GRM7: variants seen among roughly 807,000 people sequenced by gnomAD.
GRM7 encodes the protein metabotropic glutamate receptor 7.
Under a neutral mutation model 84.5 loss-of-function variants are expected in GRM7, and 35 were observed. The observed-to-expected ratio is 0.41, with a 90% confidence interval of 0.32 to 0.55. The LOEUF (loss-of-function observed/expected upper bound fraction) is 0.55, where lower values mean the gene tolerates loss of function less well. Among genes scored for constraint, GRM7 ranks in the 20% least tolerant of loss-of-function variants. The probability of loss-of-function intolerance (pLI) is 0.19; values close to 1 mark genes in which losing one functional copy is unlikely to be tolerated. For missense variants in GRM7, 1,003 were observed against 1,194.6 expected (o/e 0.84, Z 2.36); for synonymous variants, 487 against 455.1 (o/e 1.07, Z -0.89).
At chr3:7,365,495 C>G (rs746535034) in intron 4 of GRM7, among the ~76,000 whole-genome samples, 1 of 151,414 alleles carries the variant, frequency 6.6e-6, no homozygotes, top group African/African-American at 2.4e-5. Context: ...TTACGTATAT[C>G]CAATCTGATT....
chr3:7,390,548 T>C (rs1256205036), intron 4 of GRM7, among the ~76,000 whole-genome samples: 3 of 152,116 alleles, frequency 2.0e-5, no homozygotes, highest in Admixed American at 2.0e-4. Flanking sequence ...TAAAATTCTT[T>C]TTTATTTTTC....
Position 7,167,787 on chromosome 3 carries a change from G to A in GRM7, c.736+21119G>A, listed in dbSNP as rs988786241. On this transcript the variant is annotated intron_variant, in intron 2 of 9. Transcript: ENST00000357716. ...GATTGAGACCATCCTGGCTAACACA[G>A]TGAAACCCCGTCTCAACTAAATATA... Among the ~76,000 whole-genome samples, 89 of 151,936 alleles carry A rather than the reference G, an allele frequency of 5.9e-4. 1 individual carries two copies. Among genetic ancestry groups the A allele is most frequent in the Admixed American group, 2.9e-3 (45 of 15,262 alleles).
intron 1 of GRM7, among the ~76,000 whole-genome samples, chr3:7,029,315 C>A (rs113484914): frequency 0.055 from 5,054 of 91,946 alleles, 284 homozygotes; most frequent in African/African-American, 0.17. Context: ...AAAAAAAAAA[C>A]AAAAAAAAAA....
intron 1 of GRM7, among the ~76,000 whole-genome samples, chr3:7,013,944 C>T (rs1695472099): frequency 6.6e-6 from 1 of 151,958 alleles, no homozygotes; most frequent in South Asian, 2.1e-4. Context: ...TTGGATTTTG[C>T]TTCTTTTGGT....
At chr3:7,625,497 C>T (rs1559447612) in intron 8 of GRM7, among the ~76,000 whole-genome samples, 1 of 152,046 alleles carries the variant, frequency 6.6e-6, no homozygotes, top group Non-Finnish European at 1.5e-5. Flanking sequence ...AATTGCCCAA[C>T]TCATGAGTCA....
intron 2 of GRM7, among the ~76,000 whole-genome samples, chr3:7,248,519 A>T (rs1230331955): frequency 6.6e-6 from 1 of 152,122 alleles, no homozygotes; most frequent in East Asian, 1.9e-4. Flanking sequence ...TGTCTTCATT[A>T]TGTTGGTGGT....
chr3:7,038,738 A>G (rs1191030446), intron 1 of GRM7, among the ~76,000 whole-genome samples: 1 of 152,184 alleles, frequency 6.6e-6, no homozygotes, highest in African/African-American at 2.4e-5. Context: ...AGGTTGATAC[A>G]ATTATCATTT....
At chr3:6,888,530 T>C (rs372251108) in intron 1 of GRM7, among the ~76,000 whole-genome samples, 1 of 152,246 alleles carries the variant, frequency 6.6e-6, no homozygotes, top group East Asian at 1.9e-4. Flanking sequence ...TTGTCAAAGA[T>C]CAGATAGCTA....
intron 4 of GRM7, among the ~76,000 whole-genome samples, chr3:7,369,827 G>A (rs1694059302): frequency 6.6e-6 from 1 of 152,160 alleles, no homozygotes; most frequent in South Asian, 2.1e-4. Context: ...CAGAATCCAT[G>A]TGGATCACTT....
chr3:7,179,032 G>T (rs1322425274), intron 2 of GRM7, among the ~76,000 whole-genome samples: 1 of 152,172 alleles, frequency 6.6e-6, no homozygotes, highest in Admixed American at 6.6e-5. Flanking sequence ...CTTGAGCCTG[G>T]GAGGTGGAAG....
At chr3:6,868,885 T>G (rs1291548192) in intron 1 of GRM7, among the ~76,000 whole-genome samples, 1 of 152,152 alleles carries the variant, frequency 6.6e-6, no homozygotes, top group Non-Finnish European at 1.5e-5. Context: ...AATTGGTCAT[T>G]TGCAGAATTC....
intron 1 of GRM7, among the ~76,000 whole-genome samples, chr3:6,964,660 T>C (rs796566516): frequency 3.3e-5 from 5 of 152,310 alleles, no homozygotes; most frequent in African/African-American, 1.2e-4. Flanking sequence ...ATGTAAATAA[T>C]CCTAAAAGGT....
intron 4 of GRM7, among the ~76,000 whole-genome samples, chr3:7,398,181 G>A (rs56166359): frequency 6.6e-6 from 1 of 152,262 alleles, no homozygotes; most frequent in Admixed American, 6.5e-5. Context: ...TTTTCTGAAG[G>A]TGAGAAAGCA....
At position 7,582,834 on chromosome 3, in the gene GRM7, T is replaced by C. The variant is rs184848197; in HGVS notation, c.2451+3477T>C. ...GAGGAATTTAACAAATTATTGCATGTCTCCCCAACCCTATAATCCCATACT... is the reference window on the plus strand; with the variant it reads ...GAGGAATTTAACAAATTATTGCATGCCTCCCCAACCCTATAATCCCATACT... On this transcript the variant is annotated intron_variant, in intron 8 of 9. Coordinates refer to ENST00000357716, the MANE Select transcript of GRM7 (RefSeq NM_000844.4). Among the ~76,000 whole-genome samples, 7 of 152,206 alleles carry C rather than the reference T, an allele frequency of 4.6e-5. No individual in the cohort carries two copies. In the East Asian group the frequency reaches 1.4e-3, roughly 29 times the overall value.
intron 2 of GRM7, among the ~76,000 whole-genome samples, chr3:7,214,618 C>T (rs1388102698): frequency 6.6e-6 from 1 of 152,232 alleles, no homozygotes; most frequent in East Asian, 1.9e-4. Flanking sequence ...ACAGCCATCA[C>T]ACCTCTAAAT....
chr3:6,879,765 G>C (rs566325659), intron 1 of GRM7, among the ~76,000 whole-genome samples: 19 of 152,290 alleles, frequency 1.2e-4, no homozygotes, highest in Admixed American at 1.2e-3. Flanking sequence ...TTTATAATGA[G>C]TTTACCTGCA....
At chr3:7,239,103 G>T (rs1418251333) in intron 2 of GRM7, among the ~76,000 whole-genome samples, 1 of 149,860 alleles carries the variant, frequency 6.7e-6, no homozygotes, top group Admixed American at 6.7e-5. Context: ...GGGCTCAAGT[G>T]ATCTTCCCAC....
intron 1 of GRM7, among the ~76,000 whole-genome samples, chr3:6,915,949 C>T (rs1456919424): frequency 1.3e-5 from 2 of 152,188 alleles, no homozygotes; most frequent in Non-Finnish European, 2.9e-5. Flanking sequence ...TGATTGTTTT[C>T]TGTCTGTTCT....
rs1695211792 is a variant in GRM7 at position 7,396,350 on chromosome 3, G to A, written c.1034-18673G>A. On this transcript the variant is annotated intron_variant, in intron 4 of 9. Coordinates refer to ENST00000357716, the MANE Select transcript of GRM7 (RefSeq NM_000844.4). ...AGGTTTCTGAGGTAGCAAAAAAAAAGTATCCCTTTAACTCCCTTCCTATTT... is the reference window on the plus strand; with the variant it reads ...AGGTTTCTGAGGTAGCAAAAAAAAAATATCCCTTTAACTCCCTTCCTATTT... Among the ~76,000 whole-genome samples the A allele has an allele frequency of 3.3e-5, 5 of 152,114 alleles. No individual in the cohort carries two copies. In the South Asian group the frequency reaches 1.0e-3, roughly 32 times the overall value.
Sources: allele counts gnomAD v4.1 joint callset (sites outside exome capture counted in the v4.1 genomes callset), GRCh38; gene constraint gnomAD v4.1.1; transcripts MANE v1.5; gene names NCBI Gene and HGNC (gene_info 2026-07-23, HGNC 2026-07-21).